GPC4: variants seen among roughly 807,000 people sequenced by gnomAD.
GPC4 encodes glypican 4, also known as glypican-4.
Under a neutral mutation model 35.0 loss-of-function variants are expected in GPC4, and 10 were observed. That is an observed-to-expected ratio of 0.29 (90% CI 0.18 to 0.48). The LOEUF (loss-of-function observed/expected upper bound fraction) is 0.48. GPC4 is among the 20% of genes least tolerant of loss of function. The pLI, the probability that GPC4 is intolerant of heterozygous loss-of-function variation, is 0.99. For synonymous variants in GPC4, 167 were observed against 170.2 expected (o/e 0.98, Z 0.15); for missense variants, 322 against 451.3 (o/e 0.71, Z 2.60).
At chrX:133,350,675 A>G (rs2068512659) in intron 1 of GPC4, among the ~76,000 whole-genome samples, 1 of 112,632 alleles carries the variant, frequency 8.9e-6, no homozygotes, top group Admixed American at 9.4e-5. Context: ...GTGCTTAATT[A>G]CATCCTTTAA....
chrX:133,414,987 GTTCCCACC>G lies in GPC4; in HGVS notation c.-30_-23del, dbSNP rs2068831822. ...CCATGGTGCGGGCCGGGGCGGACGC[GTTCCCACC>G]TTTGGGACCGGACGGGAAGCGGCGC... On this transcript the variant is annotated 5_prime_UTR_variant, in exon 1 of 9. Transcript: ENST00000370828. 1.7e-6 allele frequency: 2 copies of G among 1,199,399 alleles called. No individual in the cohort carries two copies. Among genetic ancestry groups the G allele is most frequent in the Non-Finnish European group, 2.3e-6 (2 of 888,472 alleles).
At chrX:133,372,248 A>T (rs1424436862) in intron 1 of GPC4, among the ~76,000 whole-genome samples, 1 of 103,688 alleles carries the variant, frequency 9.6e-6, no homozygotes, top group Non-Finnish European at 2.0e-5. Context: ...AAAAAAAAAA[A>T]GAGGTTATAG....
At chrX:133,342,983 G>A (rs775254615) in intron 1 of GPC4, among the ~76,000 whole-genome samples, 15 of 111,327 alleles carry the variant, frequency 1.3e-4, no homozygotes, top group East Asian at 2.8e-4. Context: ...TTCTAAGCCC[G>A]GTGATCTTAT....
At chrX:133,409,320 TAAAA>T (rs36008423) in intron 1 of GPC4, among the ~76,000 whole-genome samples, 12 of 31,791 alleles carry the variant, frequency 3.8e-4, no homozygotes, top group Non-Finnish European at 6.4e-4. Context: ...GACCCTGCCT[TAAAA>T]AAAAAAAAAA....
intron 3 of GPC4, among the ~76,000 whole-genome samples, chrX:133,322,379 G>A (rs2068369236): frequency 9.2e-6 from 1 of 109,045 alleles, no homozygotes; most frequent in African/African-American, 3.4e-5. Context: ...GGGAGGTGGA[G>A]GTTGCGGTGA....
chrX:133,315,352 C>G (rs765873432), intron 3 of GPC4, among the ~76,000 whole-genome samples: 37 of 110,123 alleles, frequency 3.4e-4, no homozygotes, highest in Non-Finnish European at 6.2e-4. Flanking sequence ...TCTTCTGGAT[C>G]CAGTGGTGGC....
chrX:133,301,988 A>T lies in GPC4; in HGVS notation c.*879T>A, dbSNP rs868678365. 1 of 104,584 alleles carries T rather than the reference A, an allele frequency of 9.6e-6. No individual in the cohort carries two copies. 8.6% of individuals were successfully genotyped at this position (104,584 alleles called of 1,213,427 possible). A position where few individuals can be genotyped will look rare whatever the true frequency, so the allele number is the denominator to read the frequency against. On this transcript the variant is annotated 3_prime_UTR_variant, in exon 9 of 9. Transcript: ENST00000370828. ...TGGGCTAGCTAACCTGCCTGGTTTT[A>T]AAAAAAAACACCCCTAAACCCAAGT...
At chrX:133,384,943 C>T (rs924441276) in intron 1 of GPC4, among the ~76,000 whole-genome samples, 3 of 112,000 alleles carry the variant, frequency 2.7e-5, no homozygotes, top group African/African-American at 9.7e-5. Context: ...CCCTCTGAAA[C>T]TTCCACAGGC....
intron 1 of GPC4, among the ~76,000 whole-genome samples, chrX:133,388,952 C>CT (rs759257116): frequency 0.44 from 23,673 of 53,563 alleles, 4,650 homozygotes; most frequent in African/African-American, 0.61. Context: ...TACCCATAGC[C>CT]TTTTTTTTTT....
chrX:133,357,453 T>C (rs1427980122), intron 1 of GPC4, among the ~76,000 whole-genome samples: 3 of 108,498 alleles, frequency 2.8e-5, no homozygotes, highest in Non-Finnish European at 5.8e-5. Context: ...AGTGGCATCA[T>C]CATAGCTCAC....
intron 1 of GPC4, among the ~76,000 whole-genome samples, chrX:133,355,355 C>T (rs1355481440): frequency 9.0e-6 from 1 of 111,500 alleles, no homozygotes; most frequent in East Asian, 2.8e-4. Context: ...TCCATTTGGC[C>T]GAATGACTTG....
intron 1 of GPC4, among the ~76,000 whole-genome samples, chrX:133,399,519 C>G (rs926658106): frequency 1.8e-5 from 2 of 111,764 alleles, no homozygotes; most frequent in African/African-American, 6.5e-5. Flanking sequence ...CACCCACCTC[C>G]GTTTAACTTT....
chrX:133,388,239 C>T (rs2068701664), intron 1 of GPC4, among the ~76,000 whole-genome samples: 1 of 112,218 alleles, frequency 8.9e-6, no homozygotes, highest in African/African-American at 3.2e-5. Flanking sequence ...TCTTAACCTT[C>T]TGTGTTTTTA....
At chrX:133,398,639 G>A (rs749221662) in intron 1 of GPC4, among the ~76,000 whole-genome samples, 7 of 110,099 alleles carry the variant, frequency 6.4e-5, no homozygotes, top group Non-Finnish European at 1.1e-4. Context: ...GTGGTGGCAA[G>A]CACCTGTAAT....
At chrX:133,347,690 A>G (rs2124140825) in intron 1 of GPC4, among the ~76,000 whole-genome samples, 1 of 111,598 alleles carries the variant, frequency 9.0e-6, no homozygotes, top group Admixed American at 9.5e-5. Flanking sequence ...AAGGTTTTTA[A>G]TAACTCCAGG....
In GPC4 at chrX:133,302,923, A is replaced by G. The variant is rs1200717755; in HGVS notation, c.1615T>C (p.Tyr539His). 1 of 1,211,778 alleles carries G rather than the reference A, an allele frequency of 8.3e-7. No homozygotes were observed. The highest frequency in any genetic ancestry group is 2.2e-5 in the Admixed American group (1 of 46,036). Reference sequence around the variant, plus strand: ...AAGATGCAGAAGACAGTGAGGAGGTAGGCCTGTGCCCCAGGACGGACACCA... The same window carrying G: ...AAGATGCAGAAGACAGTGAGGAGGTGGGCCTGTGCCCCAGGACGGACACCA... ...SAGVRPGAQAYLLTVFCILFL... is the reference protein window; with the variant it reads ...SAGVRPGAQAHLLTVFCILFL... The change falls in exon 9 of 9, where the codon TAC becomes CAC. Residue 539 changes from tyrosine (Y) to histidine (H), a missense_variant. Physicochemically the swap from Tyr to His is moderately conservative, Grantham distance 83 (BLOSUM62 2). Coordinates refer to ENST00000370828, the MANE Select transcript of GPC4 (RefSeq NM_001448.3).
chrX:133,325,020 T>C (rs2068384940), intron 2 of GPC4, among the ~76,000 whole-genome samples: 2 of 110,920 alleles, frequency 1.8e-5, no homozygotes, highest in Non-Finnish European at 3.8e-5. Context: ...TGGGCCTGAA[T>C]TTTTTTTTCA....
intron 1 of GPC4, among the ~76,000 whole-genome samples, chrX:133,344,255 C>G (rs1036472467): frequency 2.1e-5 from 1 of 46,877 alleles, no homozygotes. Context: ...GATGGAGTTT[C>G]GCTCCTGTTG....
intron 1 of GPC4, among the ~76,000 whole-genome samples, chrX:133,372,843 C>T (rs1171644133): frequency 8.9e-6 from 1 of 112,191 alleles, no homozygotes; most frequent in African/African-American, 3.2e-5. Flanking sequence ...CTACAGGTTT[C>T]ACTTTTGAGT....
Sources: gnomAD v4.1 joint callset for allele counts (sites outside exome capture counted in the v4.1 genomes callset) on GRCh38, gnomAD v4.1.1 for gene constraint, MANE v1.5 for transcripts, NCBI Gene and HGNC (gene_info 2026-07-23, HGNC 2026-07-21) for gene names.